TULP4: variants seen among roughly 807,000 people sequenced by gnomAD.
TULP4 encodes TUB like protein 4.
In TULP4, 16 loss-of-function variants were observed where a neutral mutation model predicts 129.0. The ratio of observed to expected loss-of-function variants is 0.12; its 90% CI spans 0.08 to 0.19. The LOEUF (loss-of-function observed/expected upper bound fraction) is 0.19, where lower values mean the gene tolerates loss of function less well. Among genes scored for constraint, TULP4 ranks in the 10% least tolerant of loss-of-function variants. TULP4 has a pLI of 1.00. For missense variants in TULP4, 1,842 were observed against 2,059.1 expected (o/e 0.89, Z 2.04); for synonymous variants, 998 against 854.0 (o/e 1.17, Z -2.94).
chr6:158,343,840 G>A (rs1387330453), intron 1 of TULP4, among the ~76,000 whole-genome samples: 5 of 152,202 alleles, frequency 3.3e-5, no homozygotes, highest in Admixed American at 2.0e-4. Context: ...TACTAACAAA[G>A]TGAAGTGCAT....
intron 1 of TULP4, among the ~76,000 whole-genome samples, chr6:158,248,754 ATAAG>A (rs201742133): frequency 0.032 from 4,860 of 151,764 alleles, 95 homozygotes; most frequent in Non-Finnish European, 0.04. Flanking sequence ...AAATAAATAA[ATAAG>A]TAAGTAAGTA....
At chr6:158,234,863 A>G (rs546319688) in intron 1 of TULP4, among the ~76,000 whole-genome samples, 10 of 152,338 alleles carry the variant, frequency 6.6e-5, no homozygotes, top group South Asian at 2.1e-4. Context: ...TAAAATGTAC[A>G]TACCATAAAA....
At chr6:158,265,384 G>A (rs1204527122) in intron 1 of TULP4, among the ~76,000 whole-genome samples, 2 of 152,028 alleles carry the variant, frequency 1.3e-5, no homozygotes, top group Admixed American at 6.6e-5. Flanking sequence ...TAAATGTAGT[G>A]GCTAAAGAGG....
intron 1 of TULP4, among the ~76,000 whole-genome samples, chr6:158,258,307 CAG>C (rs1778286542): frequency 6.6e-6 from 1 of 152,196 alleles, no homozygotes. Context: ...TCCACTCCCT[CAG>C]TGTTTCTGAG....
chr6:158,314,029 G>A lies in TULP4; in HGVS notation c.13G>A (p.Val5Met), dbSNP rs749518667. ...CATTGAAGAAAGTATGTATGCAGCAGTGGAACATGGGCCTGTGCTTTGCAG... is the reference window on the plus strand; with the variant it reads ...CATTGAAGAAAGTATGTATGCAGCAATGGAACATGGGCCTGTGCTTTGCAG... Reference protein sequence around the residue: MYAAVEHGPVLCSDS... With the variant: MYAAMEHGPVLCSDS... Residue 5 changes from valine (V) to methionine (M), a missense_variant, in exon 1 of 14, where the codon GTG becomes ATG. Coordinates refer to ENST00000367097, the MANE Select transcript of TULP4 (RefSeq NM_020245.5). 2 of 1,614,204 alleles carry A rather than the reference G, an allele frequency of 1.2e-6. No homozygotes were observed. The highest frequency in any genetic ancestry group is 3.3e-5 in the Admixed American group (2 of 60,026).
intron 6 of TULP4, among the ~76,000 whole-genome samples, chr6:158,473,910 T>C (rs909133747): frequency 8.6e-5 from 13 of 151,070 alleles, no homozygotes; most frequent in African/African-American, 3.2e-4. Context: ...CTCAACCTCC[T>C]GGGCTCAAAC....
At chr6:158,425,405 C>T (rs574515223) in intron 2 of TULP4, among the ~76,000 whole-genome samples, 83 of 148,042 alleles carry the variant, frequency 5.6e-4, no homozygotes, top group Admixed American at 2.8e-3. Flanking sequence ...CCCAGCTACT[C>T]GGGAGGCTGC....
intron 1 of TULP4, among the ~76,000 whole-genome samples, chr6:158,260,112 T>G (rs1778324673): frequency 6.6e-6 from 1 of 152,192 alleles, no homozygotes; most frequent in Non-Finnish European, 1.5e-5. Context: ...ATATGCTTGG[T>G]CTTTCTGGAA....
intron 1 of TULP4, among the ~76,000 whole-genome samples, chr6:158,354,064 C>T (rs941449934): frequency 6.6e-6 from 1 of 152,152 alleles, no homozygotes; most frequent in African/African-American, 2.4e-5. Flanking sequence ...CCTGAAGGCC[C>T]ATCAGGATTC....
intron 3 of TULP4, among the ~76,000 whole-genome samples, chr6:158,441,690 C>A (rs545098620): frequency 6.6e-6 from 1 of 152,362 alleles, no homozygotes; most frequent in South Asian, 2.1e-4. Context: ...TCTGGGCCCT[C>A]TTCTCAGCTG....
intron 1 of TULP4, among the ~76,000 whole-genome samples, chr6:158,323,308 G>A (rs1454697874): frequency 6.6e-6 from 1 of 152,152 alleles, no homozygotes; most frequent in Admixed American, 6.5e-5. Context: ...GTTAAACTAG[G>A]GTGCTGCCTT....
chr6:158,233,035 C>T (rs2074337963), intron 1 of TULP4, among the ~76,000 whole-genome samples: 1 of 152,258 alleles, frequency 6.6e-6, no homozygotes, highest in African/African-American at 2.4e-5. Context: ...CGAAGTTTGA[C>T]CCGCTTGGGG....
intron 5 of TULP4, among the ~76,000 whole-genome samples, chr6:158,456,985 G>A (rs1779306196): frequency 6.6e-6 from 1 of 152,118 alleles, no homozygotes; most frequent in South Asian, 2.1e-4. Context: ...GGTATGAATA[G>A]CAATCATTTT....
At chr6:158,477,761 A>G (rs1779855259) in intron 6 of TULP4, among the ~76,000 whole-genome samples, 1 of 152,142 alleles carries the variant, frequency 6.6e-6, no homozygotes, top group Admixed American at 6.5e-5. Context: ...ATTACTGGGT[A>G]TATACCCAAA....
intron 4 of TULP4, among the ~76,000 whole-genome samples, chr6:158,449,415 C>T (rs900547325): frequency 6.6e-6 from 1 of 152,104 alleles, no homozygotes; most frequent in Non-Finnish European, 1.5e-5. Context: ...ACACTTAATT[C>T]GCTTAGCTTT....
intron 1 of TULP4, among the ~76,000 whole-genome samples, chr6:158,341,190 T>C (rs1444339311): frequency 6.6e-6 from 1 of 152,162 alleles, no homozygotes; most frequent in African/African-American, 2.4e-5. Flanking sequence ...CACACGTCAT[T>C]TGTCTTTCTG....
At chr6:158,383,015 C>G (rs941175407) in intron 1 of TULP4, among the ~76,000 whole-genome samples, 1 of 152,226 alleles carries the variant, frequency 6.6e-6, no homozygotes, top group Non-Finnish European at 1.5e-5. Flanking sequence ...GTTCAAGGAT[C>G]AAGGTCGCAG....
At chr6:158,443,194 G>A (rs574573503) in intron 3 of TULP4, among the ~76,000 whole-genome samples, 119 of 152,278 alleles carry the variant, frequency 7.8e-4, no homozygotes, top group South Asian at 2.3e-3. Context: ...GTGTTGGTCA[G>A]GATGGTCTCG....
intron 1 of TULP4, among the ~76,000 whole-genome samples, chr6:158,236,072 TGTA>T (rs1280833047): frequency 1.3e-5 from 2 of 152,200 alleles, no homozygotes; most frequent in African/African-American, 4.8e-5. Context: ...CAGCTAATGT[TGTA>T]GTGGTGGTAT....
Sources: gnomAD v4.1 joint callset for allele counts (sites outside exome capture counted in the v4.1 genomes callset) on GRCh38, gnomAD v4.1.1 for gene constraint, MANE v1.5 for transcripts, NCBI Gene and HGNC (gene_info 2026-07-23, HGNC 2026-07-21) for gene names.